Variants in SYNE1 observed in about 807,000 individuals in gnomAD.
SYNE1 encodes spectrin repeat containing nuclear envelope protein 1.
A neutral mutation model predicts 1,111.0 loss-of-function variants in SYNE1; 616 were observed. The observed-to-expected ratio is 0.55, with a 90% CI of 0.52 to 0.59. The LOEUF is 0.59. Ranked by LOEUF, SYNE1 falls within the 20% of genes least tolerant of loss-of-function variation. The pLI, the probability that SYNE1 is intolerant of heterozygous loss-of-function variation, is 0.00. For synonymous variants in SYNE1, 3,855 were observed against 3,825.8 expected (o/e 1.01, Z -0.28); for missense variants, 10,006 against 10,417.0 (o/e 0.96, Z 1.72).
intron 100 of SYNE1, among the ~76,000 whole-genome samples, chr6:152,267,158 C>T (rs545861418): frequency 1.1e-3 from 169 of 152,086 alleles, no homozygotes; most frequent in African/African-American, 3.6e-3. Flanking sequence ...TTTCCAAAAC[C>T]ACCTTCATAA....
chr6:152,451,738 C>T (rs1367895854), intron 25 of SYNE1, among the ~76,000 whole-genome samples: 1 of 151,994 alleles, frequency 6.6e-6, no homozygotes, highest in African/African-American at 2.4e-5. Flanking sequence ...ACCTCAGATT[C>T]CCAAAGTGCT....
At chr6:152,622,663 C>T (rs1015762727) in intron 3 of SYNE1, among the ~76,000 whole-genome samples, 1 of 151,968 alleles carries the variant, frequency 6.6e-6, no homozygotes, top group Non-Finnish European at 1.5e-5. Flanking sequence ...GTGCAGTTTA[C>T]CATTAATGGG....
At chr6:152,595,815 C>G (rs2099579432) in intron 3 of SYNE1, among the ~76,000 whole-genome samples, 1 of 152,104 alleles carries the variant, frequency 6.6e-6, no homozygotes, top group South Asian at 2.1e-4. Context: ...AGCTGCCTCA[C>G]CTGTACGATG....
At chr6:152,604,596 G>C (rs935569671) in intron 3 of SYNE1, among the ~76,000 whole-genome samples, 2 of 152,002 alleles carry the variant, frequency 1.3e-5, no homozygotes, top group African/African-American at 4.8e-5. Flanking sequence ...GAGCCACTGT[G>C]CCCATCCCAG....
chr6:152,346,990 A>G, intron 73 of SYNE1, 69 bp downstream of exon 73: 1 of 1,559,104 alleles, frequency 6.4e-7, no homozygotes. Context: ...CTATTTGTAA[A>G]AAGTCTCTAG....
At position 152,236,672 on chromosome 6, in the gene SYNE1, T is replaced by C. The variant is rs1007118639; in HGVS notation, c.20199+145A>G. 5.5e-6 allele frequency: 6 copies of C among 1,092,982 alleles called. No individual in the cohort carries two copies. In the African/African-American group the frequency reaches 7.8e-5, roughly 14 times the overall value. The allele number at this position is 1,092,982 out of a possible 1,614,324, so 67.7% of individuals were successfully genotyped here. On this transcript the variant is annotated intron_variant, in intron 109 of 145. Transcript: ENST00000367255. ...ACTTTTAATAATGTCCAACTATAAA[T>C]AACAGAAACATTATCTCCTTTCAAT... is the stretch of plus-strand genomic sequence containing the variant.
chr6:152,407,699 A>G (rs2097920690), intron 44 of SYNE1, among the ~76,000 whole-genome samples: 1 of 152,128 alleles, frequency 6.6e-6, no homozygotes, highest in Non-Finnish European at 1.5e-5. Context: ...AATGATATGC[A>G]CTAAAATCCC....
At chr6:152,311,718 G>A (rs762069292) in intron 87 of SYNE1, among the ~76,000 whole-genome samples, 22 of 152,248 alleles carry the variant, frequency 1.4e-4, no homozygotes, top group African/African-American at 2.6e-4. Flanking sequence ...TTAGTGGGGT[G>A]TGTAATGTGT....
At chr6:152,532,316 A>G (rs1471455694) in intron 4 of SYNE1, among the ~76,000 whole-genome samples, 1 of 152,220 alleles carries the variant, frequency 6.6e-6, no homozygotes. Context: ...CTCATTTGCC[A>G]TCATCCATAA....
Position 152,133,399 on chromosome 6 carries a change from T to G in SYNE1, c.25878A>C (p.Thr8626=). Reference sequence around the variant, plus strand: ...CTTTTTCTTTGGCTTCTAAACAGTCTGTTCCTTCAGCATTCACCAGTAGTT... The same window carrying G: ...CTTTTTCTTTGGCTTCTAAACAGTCGGTTCCTTCAGCATTCACCAGTAGTT... ...SCQLLVNAEG[T]DCLEAKEKVH... is the part of the protein sequence containing the mutation. Residue 8626 remains threonine (T), a synonymous_variant, in exon 143 of 146, where the codon ACA becomes ACC. Transcript: ENST00000367255. 9 of 1,614,222 alleles carry G rather than the reference T, an allele frequency of 5.6e-6. No individual in the cohort carries two copies. Among genetic ancestry groups the G allele is most frequent in the Non-Finnish European group, 7.6e-6 (9 of 1,180,036 alleles).
In SYNE1 at chr6:152,361,525, A is replaced by C. The variant is rs377233092; in HGVS notation, c.10299+645T>G. Among the ~76,000 whole-genome samples, 9 of 152,344 alleles carry C rather than the reference A, an allele frequency of 5.9e-5. No individual in the cohort carries two copies. In the South Asian group the frequency reaches 1.0e-3, roughly 18 times the overall value. Reference sequence around the variant, plus strand: ...GGCACTGAGAATAATGAGGTTTCCAATGTAATATATTCAGGGTGAGGTGAT... The same window carrying C: ...GGCACTGAGAATAATGAGGTTTCCACTGTAATATATTCAGGGTGAGGTGAT... On this transcript the variant is annotated intron_variant, in intron 64 of 145. Coordinates refer to ENST00000367255, the MANE Select transcript of SYNE1 (RefSeq NM_182961.4).
intron 128 of SYNE1, chr6:152,185,176 T>G (rs1479123794): frequency 6.6e-6 from 1 of 152,166 alleles, no homozygotes; most frequent in Non-Finnish European, 1.5e-5. Context: ...AAAACAAGTA[T>G]AAGCTCTGGC....
chr6:152,633,345 T>C (rs1163523846), intron 2 of SYNE1, among the ~76,000 whole-genome samples: 1 of 152,198 alleles, frequency 6.6e-6, no homozygotes, highest in Non-Finnish European at 1.5e-5. Flanking sequence ...TATTTATTAT[T>C]TCACAATAAA....
At chr6:152,135,845 T>A (rs1392324603) in intron 141 of SYNE1, among the ~76,000 whole-genome samples, 1 of 152,188 alleles carries the variant, frequency 6.6e-6, no homozygotes. Context: ...TCTCCTGGCC[T>A]GGACCTACAA....
chr6:152,590,096 A>G (rs115007520), intron 3 of SYNE1, among the ~76,000 whole-genome samples: 3,302 of 150,286 alleles, frequency 0.022, 129 homozygotes, highest in African/African-American at 0.077. Context: ...ACCACACCTG[A>G]CTAATTATTA....
At chr6:152,603,737 T>C (rs1453685765) in intron 3 of SYNE1, among the ~76,000 whole-genome samples, 1 of 150,168 alleles carries the variant, frequency 6.7e-6, no homozygotes, top group Non-Finnish European at 1.5e-5. Flanking sequence ...CATATATATG[T>C]GGATTATTTA....
At chr6:152,520,408 A>C (rs1198312393) in intron 6 of SYNE1, 51 bp downstream of exon 6, 1 of 1,583,930 alleles carries the variant, frequency 6.3e-7, no homozygotes, top group African/African-American at 1.3e-5. Flanking sequence ...TGAAAACATA[A>C]GTATGCCCAC....
intron 74 of SYNE1, among the ~76,000 whole-genome samples, chr6:152,343,366 C>T (rs1336195887): frequency 6.6e-6 from 1 of 151,440 alleles, no homozygotes; most frequent in African/African-American, 2.4e-5. Flanking sequence ...ACCATGTTGG[C>T]CAGGATGGTC....
chr6:152,188,664 ATAT>A (rs2070979344), intron 128 of SYNE1, among the ~76,000 whole-genome samples: 2 of 152,046 alleles, frequency 1.3e-5, no homozygotes, highest in South Asian at 4.1e-4. Flanking sequence ...TCTCTTAAAA[ATAT>A]TATGCCAGCG....
Sources: allele counts gnomAD v4.1 joint callset (sites outside exome capture counted in the v4.1 genomes callset), GRCh38; gene constraint gnomAD v4.1.1; transcripts MANE v1.5; gene names NCBI Gene and HGNC (gene_info 2026-07-23, HGNC 2026-07-21).